The following FGF12 variants were observed in gnomAD, a reference collection of about 807,000 sequenced individuals.
The protein encoded by FGF12 is fibroblast growth factor 12B.
Under a neutral mutation model 23.6 loss-of-function variants are expected in FGF12, and 14 were observed. That is an observed-to-expected ratio of 0.59 (90% CI 0.39 to 0.93). FGF12 has a LOEUF of 0.93. FGF12 is among the 40% of genes least tolerant of loss of function. The pLI, the probability that FGF12 is intolerant of heterozygous loss-of-function variation, is 0.00. For synonymous variants in FGF12, 62 were observed against 77.3 expected, an observed-to-expected ratio of 0.80 and a Z score of 1.04; for missense variants, 175 against 217.8, an observed-to-expected ratio of 0.80 and a Z score of 1.24.
chr3:192,371,165 C>G (rs928984614), intron 2 of FGF12, among the ~76,000 whole-genome samples: 2 of 152,194 alleles, frequency 1.3e-5, no homozygotes, highest in African/African-American at 4.8e-5. Flanking sequence ...ACACTTCAAA[C>G]ATGAAGATAA....
At chr3:192,454,670 C>T (rs1203890700) in intron 2 of FGF12, among the ~76,000 whole-genome samples, 5 of 152,106 alleles carry the variant, frequency 3.3e-5, no homozygotes, top group East Asian at 1.9e-4. Context: ...TAGTTCCAGC[C>T]CTTTTCACAC....
intron 4 of FGF12, among the ~76,000 whole-genome samples, chr3:192,240,471 T>C (rs1364777283): frequency 1.3e-5 from 2 of 152,206 alleles, no homozygotes; most frequent in Non-Finnish European, 2.9e-5. Flanking sequence ...ATAAGAATGA[T>C]AACATGCAAC....
At chr3:192,696,002 G>A (rs1230742749) in intron 2 of FGF12, among the ~76,000 whole-genome samples, 1 of 152,160 alleles carries the variant, frequency 6.6e-6, no homozygotes, top group African/African-American at 2.4e-5. Flanking sequence ...GGGAGGCTAA[G>A]GCAGGAGAAT....
In FGF12 at chr3:192,727,266, A is replaced by G; in HGVS notation, c.-73T>C. Reference sequence around the variant, plus strand: ...GATGTGGGCCCGCTTCAGATTCCCAAATCTGGGAAGCCAATCTGATGATTT... The same window carrying G: ...GATGTGGGCCCGCTTCAGATTCCCAGATCTGGGAAGCCAATCTGATGATTT... On this transcript the variant is annotated 5_prime_UTR_variant, in exon 2 of 6. Transcript: ENST00000445105. 1 of 1,555,326 alleles carries G rather than the reference A, an allele frequency of 6.4e-7. No individual in the cohort carries two copies. The highest frequency in any genetic ancestry group is 8.7e-7 in the Non-Finnish European group (1 of 1,149,172).
intron 2 of FGF12, among the ~76,000 whole-genome samples, chr3:192,589,730 C>A (rs961763574): frequency 6.6e-6 from 1 of 151,818 alleles, no homozygotes; most frequent in Non-Finnish European, 1.5e-5. Context: ...TGACACTAAT[C>A]GAAGTAAGGT....
intron 2 of FGF12, among the ~76,000 whole-genome samples, chr3:192,505,961 A>C (rs3845943): frequency 0.084 from 12,789 of 152,294 alleles, 623 homozygotes; most frequent in Admixed American, 0.19. Context: ...TATTCATGAA[A>C]GTAGTTCTGA....
At chr3:192,458,308 G>A (rs551858705) in intron 2 of FGF12, among the ~76,000 whole-genome samples, 69 of 152,210 alleles carry the variant, frequency 4.5e-4, no homozygotes, top group Non-Finnish European at 4.6e-4. Context: ...CAGATCTACC[G>A]ACAGCTTGCA....
chr3:192,541,250 C>T lies in FGF12; in HGVS notation c.14-180712G>A, dbSNP rs376653775. Among the ~76,000 whole-genome samples, 55 of 151,970 alleles carry T rather than the reference C, an allele frequency of 3.6e-4. No individual in the cohort carries two copies. The South Asian group carries it at 6.0e-3, about 17-fold the overall frequency. ...TTTTAGCAAGGGTGATTTTCTCTGA[C>T]GATATGTTTTAACGTTTCAAGTTCT... On this transcript the variant is annotated intron_variant, in intron 2 of 5. Transcript: ENST00000445105.
chr3:192,384,640 A>G (rs1054665401), intron 2 of FGF12, among the ~76,000 whole-genome samples: 1 of 152,202 alleles, frequency 6.6e-6, no homozygotes, highest in Non-Finnish European at 1.5e-5. Context: ...TCTTAAAGAG[A>G]AAAAAATACT....
intron 4 of FGF12, among the ~76,000 whole-genome samples, chr3:192,286,355 T>A (rs1714446075): frequency 6.6e-6 from 1 of 152,016 alleles, no homozygotes; most frequent in Non-Finnish European, 1.5e-5. Context: ...TTTGGAAGCG[T>A]TCCCACTCAC....
chr3:192,437,596 G>A (rs1297966911), intron 2 of FGF12, among the ~76,000 whole-genome samples: 1 of 152,082 alleles, frequency 6.6e-6, no homozygotes, highest in African/African-American at 2.4e-5. Context: ...GGAAGCTGAG[G>A]CAGAGAACTG....
At chr3:192,305,679 A>AATATAT (rs1241285508) in intron 4 of FGF12, among the ~76,000 whole-genome samples, 40 of 131,916 alleles carry the variant, frequency 3.0e-4, no homozygotes, top group South Asian at 1.8e-3. Context: ...AAAAAAAAAA[A>AATATAT]ATATATATAT....
intron 5 of FGF12, among the ~76,000 whole-genome samples, chr3:192,154,709 C>G (rs1047266302): frequency 7.1e-6 from 1 of 141,152 alleles, no homozygotes; most frequent in African/African-American, 2.6e-5. Context: ...AACCACTGCT[C>G]TCTTCAAAGC....
At chr3:192,681,512 C>T (rs958131977) in intron 2 of FGF12, among the ~76,000 whole-genome samples, 4 of 152,152 alleles carry the variant, frequency 2.6e-5, no homozygotes, top group African/African-American at 9.7e-5. Flanking sequence ...CAGGTGAAGA[C>T]AAGAAGTAGA....
intron 2 of FGF12, among the ~76,000 whole-genome samples, chr3:192,534,601 G>A (rs931482715): frequency 5.9e-5 from 9 of 151,864 alleles, no homozygotes; most frequent in African/African-American, 1.7e-4. Context: ...GATGTTGGCC[G>A]GACTGGTACC....
rs140472595 is a variant in FGF12 at position 192,720,380 on chromosome 3, C to T, written c.13+6801G>A. Among the ~76,000 whole-genome samples, 7 of 152,308 alleles carry T rather than the reference C, an allele frequency of 4.6e-5. No homozygotes were observed. The East Asian group carries it at 1.4e-3, about 29-fold the overall frequency. ...TCTGCCTAGGTGCCATCAGCAGCATCGCAGCAGTTAAATACCACGGCCTCC... is the reference window on the plus strand; with the variant it reads ...TCTGCCTAGGTGCCATCAGCAGCATTGCAGCAGTTAAATACCACGGCCTCC... On this transcript the variant is annotated intron_variant, in intron 2 of 5. Coordinates refer to ENST00000445105, the MANE Select transcript of FGF12 (RefSeq NM_004113.6).
intron 4 of FGF12, among the ~76,000 whole-genome samples, chr3:192,230,308 G>A (rs1718956069): frequency 6.6e-6 from 1 of 152,084 alleles, no homozygotes; most frequent in Non-Finnish European, 1.5e-5. Flanking sequence ...CATATATGGT[G>A]TTACTGTTTC....
At chr3:192,271,239 T>C (rs1159099020) in intron 4 of FGF12, among the ~76,000 whole-genome samples, 1 of 152,236 alleles carries the variant, frequency 6.6e-6, no homozygotes, top group East Asian at 1.9e-4. Flanking sequence ...CCAGTACATC[T>C]GCTGGCTTTG....
chr3:192,437,623 G>A (rs181427043), intron 2 of FGF12, among the ~76,000 whole-genome samples: 90 of 152,068 alleles, frequency 5.9e-4, no homozygotes, highest in Non-Finnish European at 1.1e-3. Context: ...CCCAGGAGGC[G>A]GAGGTTGCAG....
Sources: gnomAD v4.1 joint callset for allele counts (sites outside exome capture counted in the v4.1 genomes callset) on GRCh38, gnomAD v4.1.1 for gene constraint, MANE v1.5 for transcripts, NCBI Gene and HGNC (gene_info 2026-07-23, HGNC 2026-07-21) for gene names.